Variants in TXNDC15 observed in about 807,000 individuals in gnomAD.
TXNDC15 encodes the protein thioredoxin domain containing 15, also known as thioredoxin domain-containing protein 15.
Under a neutral mutation model 35.0 loss-of-function variants are expected in TXNDC15, and 24 were observed. The observed-to-expected ratio is 0.68, with a 90% confidence interval of 0.50 to 0.96. TXNDC15 has a LOEUF of 0.96. Among genes scored for constraint, TXNDC15 ranks in the 40% least tolerant of loss-of-function variants. The pLI is 0.00. For synonymous variants in TXNDC15, 169 were observed against 174.0 expected, an observed-to-expected ratio of 0.97 and a Z score of 0.23; for missense variants, 385 against 453.3, an observed-to-expected ratio of 0.85 and a Z score of 1.37.
At chr5:134,879,836 C>G (rs1388467258) in intron 1 of TXNDC15, among the ~76,000 whole-genome samples, 2 of 151,090 alleles carry the variant, frequency 1.3e-5, no homozygotes, top group Non-Finnish European at 2.9e-5. Flanking sequence ...GCTCTGTCAC[C>G]CAGGCTGGAG....
At chr5:134,880,461 G>T (rs1483187246) in intron 1 of TXNDC15, among the ~76,000 whole-genome samples, 3 of 151,030 alleles carry the variant, frequency 2.0e-5, no homozygotes, top group Admixed American at 6.6e-5. Context: ...TTTTGAGATG[G>T]AGTCTCGCTC....
intron 1 of TXNDC15, among the ~76,000 whole-genome samples, chr5:134,876,696 G>A (rs932529011): frequency 6.6e-6 from 1 of 151,520 alleles, no homozygotes; most frequent in African/African-American, 2.4e-5. Flanking sequence ...AACTTCACCA[G>A]CTGATTTCTT....
At chr5:134,883,703 A>G (rs1750212924) in intron 1 of TXNDC15, among the ~76,000 whole-genome samples, 1 of 151,410 alleles carries the variant, frequency 6.6e-6, no homozygotes, top group African/African-American at 2.4e-5. Flanking sequence ...ACTTGGGGCC[A>G]GGAGTTTGAG....
In TXNDC15 at chr5:134,900,303, A is replaced by G. The variant is rs1750572741; in HGVS notation, c.*618A>G. The G allele has an allele frequency of 6.6e-6, 1 of 152,308 alleles. No individual in the cohort carries two copies. Among genetic ancestry groups the G allele is most frequent in the South Asian group, 2.1e-4 (1 of 4,834 alleles). The allele number at this position is 152,308 out of a possible 1,614,324, so 9.4% of individuals were successfully genotyped here. ...AAGGAAATGCTGTAACTAAAGCTCA[A>G]TTATTATCAGTTCTATGCTAACGTA... On this transcript the variant is annotated 3_prime_UTR_variant, in exon 5 of 5. Transcript: ENST00000358387.
chr5:134,901,032 C>T lies in TXNDC15; in HGVS notation c.*1347C>T, dbSNP rs560154061. The T allele has an allele frequency of 3.3e-5, 5 of 152,334 alleles. No homozygotes were observed. The South Asian group carries it at 8.3e-4, about 25-fold the overall frequency. The allele number at this position is 152,334 out of a possible 1,614,324, so 9.4% of individuals were successfully genotyped here. A position where few individuals can be genotyped will look rare whatever the true frequency, so the allele number is the denominator to read the frequency against. ...CAAACTGCTGACTTCAGGTGATCCA[C>T]CCGCCTCAGCCTCCCAAAGTGTTGG... On this transcript the variant is annotated 3_prime_UTR_variant, in exon 5 of 5. Transcript: ENST00000358387.
intron 2 of TXNDC15, among the ~76,000 whole-genome samples, chr5:134,889,917 T>C (rs1750354520): frequency 6.6e-6 from 1 of 152,254 alleles, no homozygotes; most frequent in African/African-American, 2.4e-5. Flanking sequence ...TGCTAAAAAA[T>C]GCTAACGATC....
intron 1 of TXNDC15, among the ~76,000 whole-genome samples, chr5:134,886,877 C>T (rs1178794930): frequency 1.3e-5 from 2 of 152,224 alleles, no homozygotes; most frequent in Non-Finnish European, 2.9e-5. Flanking sequence ...TGCTGAGCCT[C>T]TCTGTGCCTT....
chr5:134,881,171 T>TTTTATGTATTTA (rs1750135134), intron 1 of TXNDC15, among the ~76,000 whole-genome samples: 2 of 124,314 alleles, frequency 1.6e-5, no homozygotes, highest in Admixed American at 8.5e-5. Context: ...GATAGGTTCT[T>TTTTATGTATTTA]TTTATTTATT....
chr5:134,897,967 G>A (rs913685552), intron 4 of TXNDC15, among the ~76,000 whole-genome samples: 1 of 151,438 alleles, frequency 6.6e-6, no homozygotes, highest in African/African-American at 2.4e-5. Context: ...TGAGATCACA[G>A]TACTGCATTC....
Position 134,899,941 on chromosome 5 carries a change from G to A in TXNDC15, c.*256G>A, listed in dbSNP as rs149285295. The A allele has an allele frequency of 1.1e-3, 398 of 360,754 alleles. No homozygotes were observed. Among genetic ancestry groups the A allele is most frequent in the African/African-American group, 7.8e-3 (365 of 46,992 alleles). The allele number at this position is 360,754 out of a possible 1,614,324, so 22.3% of individuals were successfully genotyped here. On this transcript the variant is annotated 3_prime_UTR_variant, in exon 5 of 5. Coordinates refer to ENST00000358387, the MANE Select transcript of TXNDC15 (RefSeq NM_024715.4). ...CTGCATGAACGTAATCCAGTATTTGGAAAGTAATCCAGTTTGAAATGTGAA... is the reference window on the plus strand; with the variant it reads ...CTGCATGAACGTAATCCAGTATTTGAAAAGTAATCCAGTTTGAAATGTGAA...
At chr5:134,889,671 A>G (rs892125600) in intron 2 of TXNDC15, among the ~76,000 whole-genome samples, 3 of 152,186 alleles carry the variant, frequency 2.0e-5, no homozygotes, top group African/African-American at 4.8e-5. Flanking sequence ...GAGATGCACA[A>G]TTCAAAGGTG....
intron 1 of TXNDC15, among the ~76,000 whole-genome samples, chr5:134,879,705 T>C (rs1750103665): frequency 1.3e-5 from 2 of 152,138 alleles, no homozygotes; most frequent in Admixed American, 6.6e-5. Context: ...ACAGAAGTGC[T>C]TGACCTTCTG....
chr5:134,895,308 T>C (rs948287353), intron 3 of TXNDC15, among the ~76,000 whole-genome samples: 1 of 152,244 alleles, frequency 6.6e-6, no homozygotes, highest in African/African-American at 2.4e-5. Context: ...TTCTGGGTTA[T>C]ATCTAAGTGA....
chr5:134,875,088 C>G, intron 1 of TXNDC15: 1 of 455,056 alleles, frequency 2.2e-6, no homozygotes, highest in Non-Finnish European at 4.4e-6. Flanking sequence ...CTGGAGTCCA[C>G]GCTGCTGGAC....
intron 4 of TXNDC15, among the ~76,000 whole-genome samples, chr5:134,896,756 G>T (rs1750497450): frequency 6.8e-6 from 1 of 147,472 alleles, no homozygotes; most frequent in Admixed American, 7.0e-5. Flanking sequence ...CCATTCTCCT[G>T]CCTCAGCCTC....
chr5:134,877,607 A>T (rs963541384), intron 1 of TXNDC15, among the ~76,000 whole-genome samples: 1 of 147,254 alleles, frequency 6.8e-6, no homozygotes, highest in Admixed American at 6.8e-5. Context: ...AGCAGGTGAA[A>T]TTTTTTTTTT....
intron 4 of TXNDC15, among the ~76,000 whole-genome samples, chr5:134,897,394 C>A (rs771688566): frequency 3.3e-5 from 5 of 150,588 alleles, no homozygotes; most frequent in Admixed American, 6.6e-5. Context: ...ATTATAGGTG[C>A]GCACCACCAC....
chr5:134,879,017 A>G (rs964825143), intron 1 of TXNDC15, among the ~76,000 whole-genome samples: 2 of 152,186 alleles, frequency 1.3e-5, no homozygotes, highest in African/African-American at 4.8e-5. Context: ...TAAAAAATAA[A>G]AGCACATTAC....
intron 1 of TXNDC15, among the ~76,000 whole-genome samples, chr5:134,878,639 ACTT>A (rs1750084931): frequency 6.6e-6 from 1 of 152,148 alleles, no homozygotes; most frequent in Non-Finnish European, 1.5e-5. Context: ...CCTTCAGACA[ACTT>A]CTTTGCTGCC....
Sources: allele counts gnomAD v4.1 joint callset (sites outside exome capture counted in the v4.1 genomes callset), GRCh38; gene constraint gnomAD v4.1.1; transcripts MANE v1.5; gene names NCBI Gene and HGNC (gene_info 2026-07-23, HGNC 2026-07-21).